The following EBF1 variants were observed in gnomAD, a reference collection of about 807,000 sequenced individuals.
The protein encoded by EBF1 is transcription factor COE1.
In EBF1, 10 loss-of-function variants were observed where a neutral mutation model predicts 68.4. The ratio of observed to expected loss-of-function variants is 0.15; its 90% CI spans 0.09 to 0.25. The LOEUF (loss-of-function observed/expected upper bound fraction) is 0.25, where lower values mean the gene tolerates loss of function less well. Ranked by LOEUF, EBF1 falls within the 10% of genes least tolerant of loss-of-function variation. The pLI, the probability that EBF1 is intolerant of heterozygous loss-of-function variation, is 1.00. For missense variants in EBF1, 509 were observed against 794.4 expected (o/e 0.64, Z 4.32); for synonymous variants, 298 against 299.8 (o/e 0.99, Z 0.06).
intron 4 of EBF1, 148 bp from the exon 5 acceptor site, chr5:159,084,887 A>G (rs1293897634): frequency 7.2e-6 from 4 of 556,136 alleles, no homozygotes; most frequent in Non-Finnish European, 1.2e-5. Flanking sequence ...TGATCGTCTG[A>G]AGGTATGATA....
intron 6 of EBF1, among the ~76,000 whole-genome samples, chr5:159,034,736 C>A (rs1275908340): frequency 6.6e-6 from 1 of 152,180 alleles, no homozygotes; most frequent in East Asian, 1.9e-4. Flanking sequence ...CCTTGCCCTG[C>A]AGATTTCTTT....
intron 6 of EBF1, among the ~76,000 whole-genome samples, chr5:158,927,409 C>G (rs997325916): frequency 6.6e-6 from 1 of 152,160 alleles, no homozygotes; most frequent in African/African-American, 2.4e-5. Context: ...CCCGGAGCCC[C>G]AAACAGTGCC....
At chr5:158,805,571 T>G (rs796304122) in intron 8 of EBF1, among the ~76,000 whole-genome samples, 6 of 152,244 alleles carry the variant, frequency 3.9e-5, no homozygotes, top group African/African-American at 1.4e-4. Flanking sequence ...CATATTACCT[T>G]GGTCTTTTTC....
In EBF1 at chr5:158,715,151, C is replaced by T. The variant is rs546375850; in HGVS notation, c.1126-969G>A. Among the ~76,000 whole-genome samples, 21 of 152,274 alleles carry T rather than the reference C, an allele frequency of 1.4e-4. 1 individual carries two copies. Among genetic ancestry groups the T allele is most frequent in the African/African-American group, 5.1e-4 (21 of 41,534 alleles). ...AAAAGGTAGGGGCTTGTCAGAGAAC[C>T]AAACGTAAGGGTGTGGTAGGATCAT... On this transcript the variant is annotated intron_variant, in intron 11 of 15. Transcript: ENST00000313708.
chr5:158,712,554 G>A (rs1052546373), intron 13 of EBF1, among the ~76,000 whole-genome samples: 1 of 152,112 alleles, frequency 6.6e-6, no homozygotes, highest in African/African-American at 2.4e-5. Flanking sequence ...TACTTAGCAG[G>A]GCCGTGAGAA....
intron 1 of EBF1, 134 bp from the exon 2 acceptor site, chr5:159,097,264 C>T: frequency 3.9e-6 from 4 of 1,015,088 alleles, no homozygotes; most frequent in Non-Finnish European, 5.6e-6. Context: ...GCTCTTCACG[C>T]CCCTTCAGGC....
chr5:158,731,101 G>A lies in EBF1; in HGVS notation c.1093C>T (p.Arg365Trp), dbSNP rs779178390. 8 of 1,613,954 alleles carry A rather than the reference G, an allele frequency of 5.0e-6. No individual in the cohort carries two copies. Among genetic ancestry groups the A allele is most frequent in the East Asian group, 2.2e-5 (1 of 44,896 alleles). ...GFQRLQKVIPRHPGDPERLPK... is the reference protein window; with the variant it reads ...GFQRLQKVIPWHPGDPERLPK... Reference sequence around the variant, plus strand: ...AAACGCTCAGGGTCACCAGGGTGCCGAGGAATGACCTTCTGTAACCTCTGG... The same window carrying A: ...AAACGCTCAGGGTCACCAGGGTGCCAAGGAATGACCTTCTGTAACCTCTGG... The change falls in exon 11 of 16, where the codon CGG becomes TGG. Residue 365 changes from arginine (R) to tryptophan (W), a missense_variant. Arg to Trp is a moderately radical substitution (Grantham distance 101). Around this residue, in one of 3 missense-constraint regions of EBF1, gnomAD observed 230 missense variants for 467.7 expected, o/e 0.49. Transcript: ENST00000313708.
chr5:158,900,003 G>T (rs1158438498), intron 6 of EBF1, among the ~76,000 whole-genome samples: 1 of 152,166 alleles, frequency 6.6e-6, no homozygotes, highest in Admixed American at 6.5e-5. Context: ...GAGGCAAGAG[G>T]CTTCCAGCAG....
intron 6 of EBF1, among the ~76,000 whole-genome samples, chr5:158,931,376 T>C (rs1810858540): frequency 6.6e-6 from 1 of 152,158 alleles, no homozygotes; most frequent in Non-Finnish European, 1.5e-5. Context: ...GAATGAAAAA[T>C]GAAAATTGTT....
chr5:159,013,550 A>C (rs144068019), intron 6 of EBF1, among the ~76,000 whole-genome samples: 1 of 152,204 alleles, frequency 6.6e-6, no homozygotes, highest in South Asian at 2.1e-4. Flanking sequence ...ACCCCAAGGT[A>C]CAGGGAGCAT....
At chr5:158,992,555 C>T (rs1328570147) in intron 6 of EBF1, among the ~76,000 whole-genome samples, 1 of 152,116 alleles carries the variant, frequency 6.6e-6, no homozygotes, top group African/African-American at 2.4e-5. Flanking sequence ...CTTGGCACTG[C>T]CAGGAAAAGG....
intron 6 of EBF1, among the ~76,000 whole-genome samples, chr5:158,987,370 C>A (rs1278721266): frequency 1.3e-5 from 2 of 152,226 alleles, no homozygotes; most frequent in Non-Finnish European, 2.9e-5. Context: ...ATAGAGTCAT[C>A]ATTCCTCATG....
At chr5:159,064,899 C>CTTTTTTT (rs57256923) in intron 6 of EBF1, among the ~76,000 whole-genome samples, 68 of 67,934 alleles carry the variant, frequency 1.0e-3, no homozygotes, top group East Asian at 1.6e-3. Context: ...CTCTTTTCAT[C>CTTTTTTT]TTTTTTTTTT....
intron 10 of EBF1, among the ~76,000 whole-genome samples, chr5:158,740,610 A>T (rs539639373): frequency 6.6e-6 from 1 of 152,372 alleles, no homozygotes; most frequent in South Asian, 2.1e-4. Context: ...TAATGGAATT[A>T]CAGAGAACTT....
intron 11 of EBF1, among the ~76,000 whole-genome samples, chr5:158,724,110 G>A (rs1434874436): frequency 6.6e-6 from 1 of 152,170 alleles, no homozygotes; most frequent in East Asian, 1.9e-4. Flanking sequence ...ACAGGAGAGA[G>A]TGGGGGAAAT....
chr5:159,013,512 C>A (rs554885650), intron 6 of EBF1, among the ~76,000 whole-genome samples: 1 of 152,256 alleles, frequency 6.6e-6, no homozygotes, highest in Admixed American at 6.5e-5. Flanking sequence ...GGAAGGCACT[C>A]CAGGTAGAGG....
At chr5:158,922,289 C>G (rs1289468431) in intron 6 of EBF1, among the ~76,000 whole-genome samples, 2 of 152,192 alleles carry the variant, frequency 1.3e-5, no homozygotes, top group African/African-American at 4.8e-5. Context: ...CCAGTATCCT[C>G]TCAGTGATTT....
At chr5:158,730,598 C>G (rs1356777542) in intron 11 of EBF1, among the ~76,000 whole-genome samples, 1 of 152,194 alleles carries the variant, frequency 6.6e-6, no homozygotes, top group Non-Finnish European at 1.5e-5. Flanking sequence ...ATTTTGAGCT[C>G]TAACTATTCT....
rs188014503 is a variant in EBF1, at chr5:158,948,553, A to C, written c.555-108443T>G. ...ATCCCAGCTTGAAAGGGGAGAGCCAAATTTGCACTACCTGCTATCTCTCTG... is the reference window on the plus strand; with the variant it reads ...ATCCCAGCTTGAAAGGGGAGAGCCACATTTGCACTACCTGCTATCTCTCTG... On this transcript the variant is annotated intron_variant, in intron 6 of 15. Transcript: ENST00000313708. 1.6e-3 allele frequency among the ~76,000 whole-genome samples: 249 copies of C among 152,288 alleles called. 1 individual carries two copies. Among genetic ancestry groups the C allele is most frequent in the Non-Finnish European group, 1.9e-3 (126 of 68,028 alleles).
Sources: gnomAD v4.1 joint callset for allele counts (sites outside exome capture counted in the v4.1 genomes callset) on GRCh38, gnomAD v4.1.1 for gene constraint, gnomAD v4.1.1 regional missense constraint, MANE v1.5 for transcripts, NCBI Gene and HGNC (gene_info 2026-07-23, HGNC 2026-07-21) for gene names.